Variants in PRKCA observed in about 807,000 individuals in gnomAD.
The protein encoded by PRKCA is protein kinase C alpha.
Under a neutral mutation model 87.0 loss-of-function variants are expected in PRKCA, and 27 were observed. The ratio of observed to expected loss-of-function variants is 0.31; its 90% CI spans 0.23 to 0.43. The LOEUF (loss-of-function observed/expected upper bound fraction) is 0.43. Ranked by LOEUF, PRKCA falls within the 20% of genes least tolerant of loss-of-function variation. The probability of loss-of-function intolerance (pLI) is 1.00; values close to 1 mark genes in which losing one functional copy is unlikely to be tolerated. For missense variants in PRKCA, 518 were observed against 852.3 expected (o/e 0.61, Z 4.88); for synonymous variants, 329 against 311.1 (o/e 1.06, Z -0.61).
At chr17:66,798,389 G>T (rs1232765219) in intron 16 of PRKCA, among the ~76,000 whole-genome samples, 1 of 105,972 alleles carries the variant, frequency 9.4e-6, no homozygotes, top group African/African-American at 4.8e-5. Flanking sequence ...GGTGGTGGTG[G>T]TGGTGGTGGT....
rs186340064 is a variant in PRKCA, at chr17:66,571,214, T to A, written c.289-70141T>A. ...GTCCTAACATGTAGTGTTTTCCCAT[T>A]CCTAATCCCTATCATCTTGTGGCAT... On this transcript the variant is annotated intron_variant, in intron 3 of 16. Coordinates refer to ENST00000413366, the MANE Select transcript of PRKCA (RefSeq NM_002737.3). Among the ~76,000 whole-genome samples the A allele has an allele frequency of 3.3e-4, 51 of 152,362 alleles. 1 individual carries two copies. The highest frequency in any genetic ancestry group is 1.2e-3 in the African/African-American group (49 of 41,584).
intron 2 of PRKCA, among the ~76,000 whole-genome samples, chr17:66,473,136 A>G (rs1453035503): frequency 6.6e-6 from 1 of 150,660 alleles, no homozygotes; most frequent in Non-Finnish European, 1.5e-5. Flanking sequence ...CCAGTATTGC[A>G]TATTTTTACC....
chr17:66,524,555 T>C (rs1291596832), intron 3 of PRKCA, among the ~76,000 whole-genome samples: 1 of 152,210 alleles, frequency 6.6e-6, no homozygotes, highest in Non-Finnish European at 1.5e-5. Flanking sequence ...TCTCATCTCC[T>C]ACTGCAGAGC....
intron 3 of PRKCA, among the ~76,000 whole-genome samples, chr17:66,551,643 G>T (rs146802964): frequency 1.3e-5 from 2 of 152,168 alleles, no homozygotes; most frequent in African/African-American, 4.8e-5. Flanking sequence ...CATACTCAAG[G>T]GGGGGATATT....
intron 2 of PRKCA, among the ~76,000 whole-genome samples, chr17:66,350,335 G>T (rs1907664312): frequency 6.6e-6 from 1 of 152,122 alleles, no homozygotes. Context: ...GGCTCACCCA[G>T]GCAGGGAGCT....
At chr17:66,479,176 AAAC>A (rs1314157485) in intron 2 of PRKCA, among the ~76,000 whole-genome samples, 5 of 152,336 alleles carry the variant, frequency 3.3e-5, no homozygotes, top group Non-Finnish European at 7.3e-5. Flanking sequence ...TACAAGAAAA[AAAC>A]AACCCCCCAA....
intron 2 of PRKCA, among the ~76,000 whole-genome samples, chr17:66,359,839 C>T (rs530992356): frequency 6.6e-6 from 1 of 152,238 alleles, no homozygotes; most frequent in Non-Finnish European, 1.5e-5. Context: ...GCTCAAAGTA[C>T]CTTAAGCAAG....
chr17:66,571,351 CA>C (rs1275207281), intron 3 of PRKCA, among the ~76,000 whole-genome samples: 1 of 151,996 alleles, frequency 6.6e-6, no homozygotes, highest in Non-Finnish European at 1.5e-5. Context: ...ATCCATATTT[CA>C]AAAGTAATTC....
chr17:66,630,756 A>G (rs1311873780), intron 3 of PRKCA, among the ~76,000 whole-genome samples: 1 of 152,200 alleles, frequency 6.6e-6, no homozygotes, highest in African/African-American at 2.4e-5. Flanking sequence ...TTCATTGGGC[A>G]TCACCAACTT....
At position 66,758,350 on chromosome 17, in the gene PRKCA, T is replaced by G. The variant is rs181593855; in HGVS notation, c.1524+15590T>G. Among the ~76,000 whole-genome samples the G allele has an allele frequency of 1.8e-3, 277 of 152,248 alleles. 1 individual carries two copies. Among genetic ancestry groups the G allele is most frequent in the African/African-American group, 6.5e-3 (269 of 41,544 alleles). The stretch of plus-strand genomic sequence containing the variant: ...CACACCATCAAATTTCCAAGAAAAT[T>G]TACTGGTATCAAGAAAGAAATTTGA... On this transcript the variant is annotated intron_variant, in intron 13 of 16. Coordinates refer to ENST00000413366, the MANE Select transcript of PRKCA (RefSeq NM_002737.3).
intron 3 of PRKCA, among the ~76,000 whole-genome samples, chr17:66,533,057 G>A (rs969462506): frequency 6.6e-6 from 1 of 152,146 alleles, no homozygotes; most frequent in Admixed American, 6.5e-5. Flanking sequence ...CTTTGGAAGT[G>A]GATTTTAAGG....
chr17:66,663,207 C>G (rs1434332500), intron 5 of PRKCA, among the ~76,000 whole-genome samples: 2 of 152,234 alleles, frequency 1.3e-5, no homozygotes, highest in African/African-American at 4.8e-5. Flanking sequence ...CTCAAAGGTT[C>G]ATGCGCCTTG....
intron 2 of PRKCA, among the ~76,000 whole-genome samples, chr17:66,454,332 G>A (rs912702922): frequency 2.0e-5 from 3 of 152,156 alleles, no homozygotes; most frequent in African/African-American, 7.2e-5. Context: ...GCTGGACCTG[G>A]GGCTGCAAAA....
chr17:66,362,811 C>T (rs1908472954), intron 2 of PRKCA, among the ~76,000 whole-genome samples: 1 of 152,064 alleles, frequency 6.6e-6, no homozygotes, highest in Admixed American at 6.5e-5. Context: ...TCTTATGCCT[C>T]AGTCAGCCGA....
intron 3 of PRKCA, among the ~76,000 whole-genome samples, chr17:66,584,847 C>G (rs182417673): frequency 6.6e-6 from 1 of 152,256 alleles, no homozygotes; most frequent in African/African-American, 2.4e-5. Context: ...TTAATTACAC[C>G]TGCAAAAACC....
chr17:66,648,723 C>T (rs1971513807), intron 5 of PRKCA, among the ~76,000 whole-genome samples: 1 of 152,116 alleles, frequency 6.6e-6, no homozygotes, highest in African/African-American at 2.4e-5. Context: ...GTACAGAGTT[C>T]TCGTACACCC....
At chr17:66,507,396 G>A (rs1435490004) in intron 3 of PRKCA, among the ~76,000 whole-genome samples, 1 of 152,164 alleles carries the variant, frequency 6.6e-6, no homozygotes, top group East Asian at 1.9e-4. Flanking sequence ...AGTACCACGT[G>A]ACTGAACAGC....
At chr17:66,559,309 A>T (rs2143286288) in intron 3 of PRKCA, among the ~76,000 whole-genome samples, 1 of 151,604 alleles carries the variant, frequency 6.6e-6, no homozygotes, top group East Asian at 1.9e-4. Context: ...TGTCTCTCCT[A>T]AAAATACAAA....
At chr17:66,611,220 A>G (rs529222366) in intron 3 of PRKCA, among the ~76,000 whole-genome samples, 1 of 152,310 alleles carries the variant, frequency 6.6e-6, no homozygotes, top group South Asian at 2.1e-4. Context: ...AGCTTCACCC[A>G]TTTAAAGTGT....
Sources: gnomAD v4.1 joint callset for allele counts (sites outside exome capture counted in the v4.1 genomes callset) on GRCh38, gnomAD v4.1.1 for gene constraint, MANE v1.5 for transcripts, NCBI Gene and HGNC (gene_info 2026-07-23, HGNC 2026-07-21) for gene names.